CTNNA3: variants seen among roughly 807,000 people sequenced by gnomAD.
The protein encoded by CTNNA3 is catenin alpha-3.
Under a neutral mutation model 95.7 loss-of-function variants are expected in CTNNA3, and 76 were observed. The observed-to-expected ratio is 0.79, with a 90% confidence interval of 0.66 to 0.96. The LOEUF (loss-of-function observed/expected upper bound fraction) is 0.96. CTNNA3 is among the 40% of genes least tolerant of loss of function. CTNNA3 has a pLI of 0.00. For synonymous variants in CTNNA3, 431 were observed against 374.4 expected (o/e 1.15, Z -1.74); for missense variants, 1,191 against 1,089.8 (o/e 1.09, Z -1.31).
At chr10:67,252,002 G>A (rs995506781) in intron 5 of CTNNA3, among the ~76,000 whole-genome samples, 1 of 152,048 alleles carries the variant, frequency 6.6e-6, no homozygotes, top group African/African-American at 2.4e-5. Context: ...TTGAGGTCAG[G>A]TGTTTGAGAC....
intron 5 of CTNNA3, among the ~76,000 whole-genome samples, chr10:67,345,708 A>G (rs1048939177): frequency 6.6e-6 from 1 of 151,916 alleles, no homozygotes; most frequent in African/African-American, 2.4e-5. Context: ...TTTTTAGTCT[A>G]TCTGTGTCTT....
intron 2 of CTNNA3, 47 bp downstream of exon 2, chr10:67,647,368 C>G: frequency 7.8e-7 from 1 of 1,281,326 alleles, no homozygotes; most frequent in Non-Finnish European, 1.1e-6. Flanking sequence ...ACATATTTTT[C>G]ATTCTTCTGC....
chr10:67,738,706 C>T (rs1841317076), intron 1 of CTNNA3, among the ~76,000 whole-genome samples: 1 of 151,636 alleles, frequency 6.6e-6, no homozygotes, highest in African/African-American at 2.4e-5. Context: ...AAAAATTAGA[C>T]GAATGGCTAA....
At position 67,658,284 on chromosome 10, in the gene CTNNA3, A is replaced by G. The variant is rs112326123; in HGVS notation, c.-5-10766T>C. Among the ~76,000 whole-genome samples, 511 of 152,332 alleles carry G rather than the reference A, an allele frequency of 3.4e-3. 1 individual carries two copies. The highest frequency in any genetic ancestry group is 6.8e-3 in the Middle Eastern group (2 of 294). On this transcript the variant is annotated intron_variant, in intron 1 of 17. Coordinates refer to ENST00000433211, the MANE Select transcript of CTNNA3 (RefSeq NM_013266.4). ...CTCAAAAGGATCTTAAAGATTACCT[A>G]AGAAAATCTATATAAAATCCATTAA...
chr10:66,571,363 CAAGCTA>C (rs1842861959), intron 10 of CTNNA3, among the ~76,000 whole-genome samples: 1 of 152,170 alleles, frequency 6.6e-6, no homozygotes, highest in Admixed American at 6.5e-5. Context: ...TGTTGCATTT[CAAGCTA>C]AACCCATACT....
Position 67,726,396 on chromosome 10 carries a change from T to C in CTNNA3, c.-2+37038A>G, listed in dbSNP as rs374183210. 1.6e-3 allele frequency among the ~76,000 whole-genome samples: 91 copies of C among 57,602 alleles called. 1 individual carries two copies. Among genetic ancestry groups the C allele is most frequent in the African/African-American group, 8.6e-3 (85 of 9,916 alleles). 37.8% of individuals were successfully genotyped at this position (57,602 alleles called of 152,430 possible). The stretch of plus-strand genomic sequence containing the variant: ...ATATTATATATGAAATTATATATAT[T>C]ATATATTATATCATATATAATATTA... On this transcript the variant is annotated intron_variant, in intron 1 of 17. Transcript: ENST00000684154.
At chr10:67,395,623 A>G (rs1844681205) in intron 5 of CTNNA3, among the ~76,000 whole-genome samples, 1 of 152,230 alleles carries the variant, frequency 6.6e-6, no homozygotes, top group South Asian at 2.1e-4. Context: ...AGCAATATCT[A>G]TATTGGAAAA....
intron 1 of CTNNA3, chr10:67,665,626 A>G (rs1261391550): frequency 1.3e-5 from 2 of 152,196 alleles, no homozygotes; most frequent in African/African-American, 4.8e-5. Context: ...CAGTGCCACT[A>G]TCATGGCTCA....
chr10:67,710,415 C>T (rs1841100999), intron 1 of CTNNA3, among the ~76,000 whole-genome samples: 1 of 152,128 alleles, frequency 6.6e-6, no homozygotes, highest in African/African-American at 2.4e-5. Context: ...CCCATTGTTA[C>T]TTATTCTGAG....
intron 3 of CTNNA3, among the ~76,000 whole-genome samples, chr10:67,577,403 T>C (rs986793736): frequency 6.6e-6 from 1 of 152,136 alleles, no homozygotes; most frequent in East Asian, 1.9e-4. Context: ...TAAATTTGAG[T>C]TCCTTGTAGA....
chr10:67,488,941 G>A (rs1249286504), intron 5 of CTNNA3, among the ~76,000 whole-genome samples: 1 of 152,066 alleles, frequency 6.6e-6, no homozygotes, highest in Non-Finnish European at 1.5e-5. Flanking sequence ...TCGCCATGTT[G>A]CCCAGGCTGG....
intron 7 of CTNNA3, among the ~76,000 whole-genome samples, chr10:66,776,975 T>G (rs1840327830): frequency 6.6e-6 from 1 of 152,056 alleles, no homozygotes; most frequent in African/African-American, 2.4e-5. Context: ...CACAACATAG[T>G]TTGATTAGAG....
At chr10:66,952,468 T>TG (rs1342532199) in intron 7 of CTNNA3, among the ~76,000 whole-genome samples, 3 of 152,198 alleles carry the variant, frequency 2.0e-5, no homozygotes, top group Non-Finnish European at 4.4e-5. Context: ...ATTCAGGGTA[T>TG]GCCGTCTTGT....
chr10:66,649,280 T>G (rs1845814382), intron 9 of CTNNA3, among the ~76,000 whole-genome samples: 6 of 152,026 alleles, frequency 3.9e-5, no homozygotes, highest in Admixed American at 3.9e-4. Context: ...GAAGAGAACT[T>G]TCCAGTGCTT....
intron 10 of CTNNA3, among the ~76,000 whole-genome samples, chr10:66,567,042 G>C (rs1589431605): frequency 7.1e-6 from 1 of 140,584 alleles, no homozygotes; most frequent in African/African-American, 2.6e-5. Flanking sequence ...GGAAGGGGAG[G>C]GGGTAGGGAG....
intron 13 of CTNNA3, among the ~76,000 whole-genome samples, chr10:66,153,308 T>C (rs2084302487): frequency 6.6e-6 from 1 of 151,936 alleles, no homozygotes. Flanking sequence ...GGTTGGACTC[T>C]GTTAATCATA....
intron 13 of CTNNA3, among the ~76,000 whole-genome samples, chr10:66,164,504 G>T (rs761036018): frequency 6.6e-6 from 1 of 151,520 alleles, no homozygotes; most frequent in Non-Finnish European, 1.5e-5. Context: ...CATGGAATTG[G>T]ACATATGGAC....
At chr10:66,822,108 A>G (rs538498572) in intron 7 of CTNNA3, among the ~76,000 whole-genome samples, 4 of 54,818 alleles carry the variant, frequency 7.3e-5, no homozygotes, top group African/African-American at 3.0e-4. Context: ...AAATTTATGC[A>G]TAAATATTAC....
intron 7 of CTNNA3, among the ~76,000 whole-genome samples, chr10:66,894,654 C>T (rs1422797263): frequency 6.6e-6 from 1 of 151,650 alleles, no homozygotes; most frequent in Non-Finnish European, 1.5e-5. Flanking sequence ...TTTCTTATTC[C>T]TCATATTTGT....
Sources: gnomAD v4.1 joint callset for allele counts (sites outside exome capture counted in the v4.1 genomes callset) on GRCh38, gnomAD v4.1.1 for gene constraint, MANE v1.5 for transcripts, NCBI Gene and HGNC (gene_info 2026-07-23, HGNC 2026-07-21) for gene names.